DUOX1: variants seen among roughly 807,000 people sequenced by gnomAD.
The protein encoded by DUOX1 is NADPH thyroid oxidase 1.
A neutral mutation model predicts 181.8 loss-of-function variants in DUOX1; 134 were observed. The ratio of observed to expected loss-of-function variants is 0.74; its 90% confidence interval spans 0.64 to 0.85. DUOX1 has a LOEUF of 0.85. DUOX1 is among the 40% of genes least tolerant of loss of function. The pLI is 0.00. For synonymous variants in DUOX1, 798 were observed against 832.5 expected (o/e 0.96, Z 0.71); for missense variants, 1,814 against 2,064.4 (o/e 0.88, Z 2.35).
At chr15:45,159,249 C>A (rs550776288) in intron 28 of DUOX1, among the ~76,000 whole-genome samples, 11 of 152,200 alleles carry the variant, frequency 7.2e-5, no homozygotes, top group Non-Finnish European at 1.6e-4. Flanking sequence ...AGAGGCCATG[C>A]CACATGGCGG....
rs1425819677 is a variant in DUOX1, at chr15:45,160,693, T to G, written c.3703-144T>G. The G allele has an allele frequency of 3.4e-6, 3 of 891,998 alleles. No individual in the cohort carries two copies. The East Asian group carries it at 1.8e-4, about 53-fold the overall frequency. 55.3% of individuals were successfully genotyped at this position (891,998 alleles called of 1,614,324 possible). ...GGATGGAGTTGGGAATGGTGAGGTTTTGCAACCTAGAAGGAGCATGGTACG... is the reference window on the plus strand; with the variant it reads ...GGATGGAGTTGGGAATGGTGAGGTTGTGCAACCTAGAAGGAGCATGGTACG... On this transcript the variant is annotated intron_variant, in intron 28 of 33. Transcript: ENST00000389037.
Position 45,142,216 on chromosome 15 carries a change from T to C in DUOX1, c.1822+104T>C, listed in dbSNP as rs777560455. On this transcript the variant is annotated intron_variant, in intron 15 of 33. Coordinates refer to ENST00000389037, the MANE Select transcript of DUOX1 (RefSeq NM_175940.3). ...CAAACCACGCAAACCACACAGAGCA[T>C]GGTCCCTTTGGGTAGGAGAATGAAA... 352 of 1,311,044 alleles carry C rather than the reference T, an allele frequency of 2.7e-4. 1 individual carries two copies. The highest frequency in any genetic ancestry group is 3.3e-4 in the Non-Finnish European group (311 of 942,822). 81.2% of individuals were successfully genotyped at this position (1,311,044 alleles called of 1,614,324 possible).
At position 45,140,708 on chromosome 15, in the gene DUOX1, T is replaced by C. The variant is rs1896467012; in HGVS notation, c.1390-187T>C. On this transcript the variant is annotated intron_variant, in intron 12 of 33. Transcript: ENST00000389037. ...AGCTGAATGTGTGAGAGGGTTCCCA[T>C]AAATGGAGTTCACTTATGTAAAACA... The C allele has an allele frequency of 5.5e-6, 3 of 545,590 alleles. No individual in the cohort carries two copies. The African/African-American group carries it at 5.6e-5, about 10-fold the overall frequency. The allele number at this position is 545,590 out of a possible 1,614,324, so 33.8% of individuals were successfully genotyped here.
intron 18 of DUOX1, 119 bp downstream of exon 18, chr15:45,145,199 T>C (rs1896619162): frequency 3.0e-6 from 3 of 995,034 alleles, no homozygotes; most frequent in South Asian, 2.2e-5. Flanking sequence ...ATCAAGTCTA[T>C]TGCAATTTTG....
intron 10 of DUOX1, chr15:45,138,670 C>G (rs1015286244): frequency 1.1e-5 from 2 of 180,962 alleles, no homozygotes; most frequent in South Asian, 1.7e-4. Flanking sequence ...ACTCAGTGTC[C>G]CCCTCATCAG....
At position 45,165,072 on chromosome 15, in the gene DUOX1, G is replaced by C; in HGVS notation, c.*171G>C. 1 of 672,456 alleles carries C rather than the reference G, an allele frequency of 1.5e-6. No homozygotes were observed. The highest frequency in any genetic ancestry group is 2.5e-6 in the Non-Finnish European group (1 of 397,962). 41.7% of individuals were successfully genotyped at this position (672,456 alleles called of 1,614,324 possible). A position where few individuals can be genotyped will look rare whatever the true frequency, so the allele number is the denominator to read the frequency against. On this transcript the variant is annotated 3_prime_UTR_variant, in exon 34 of 34. Transcript: ENST00000389037. ...CATGTGTGGGCTCAGGGACCCCCAGGACCAGGATGTGTCTCAGCCTGGAGA... is the reference window on the plus strand; with the variant it reads ...CATGTGTGGGCTCAGGGACCCCCAGCACCAGGATGTGTCTCAGCCTGGAGA...
chr15:45,165,167 A>T lies in DUOX1; in HGVS notation c.*266A>T. 1 of 528,040 alleles carries T rather than the reference A, an allele frequency of 1.9e-6. No homozygotes were observed. Among genetic ancestry groups the T allele is most frequent in the Non-Finnish European group, 3.4e-6 (1 of 295,670 alleles). The allele number at this position is 528,040 out of a possible 1,614,324, so 32.7% of individuals were successfully genotyped here. On this transcript the variant is annotated 3_prime_UTR_variant, in exon 34 of 34. Transcript: ENST00000389037. ...GAGCTACTGATTTGGGGCAAAGTGA[A>T]ACCTCTGCTTCCAGACTTCAGAAAC...
In DUOX1 at chr15:45,140,972, C is replaced by A. The variant is rs1896473932; in HGVS notation, c.1467C>A (p.Ser489Arg). ...TGCTCCCTGGGGGACTCCTGGAGAG[C>A]CACCGGGACCCTGGACCTCTGTTCA... ...LELLPGGLLESHRDPGPLFST... is the reference protein window; with the variant it reads ...LELLPGGLLERHRDPGPLFST... The change falls in exon 13 of 34, where the codon AGC (serine) becomes AGA (arginine). Residue 489 changes from serine (S) to arginine (R), a missense_variant. Ser to Arg is a moderately radical substitution (Grantham distance 110). This residue lies in a region of DUOX1 where 1,064 missense variants were observed against 1,152.9 expected (regional missense o/e 0.92). Coordinates refer to ENST00000389037, the MANE Select transcript of DUOX1 (RefSeq NM_175940.3). 1 of 1,614,180 alleles carries A rather than the reference C, an allele frequency of 6.2e-7. No individual in the cohort carries two copies. The highest frequency in any genetic ancestry group is 1.7e-5 in the Admixed American group (1 of 60,026).
rs375298947 is a variant in DUOX1 at position 45,141,958 on chromosome 15, T to C, written c.1685-17T>C. Reference sequence around the variant, plus strand: ...GTGGCCCAGCACCCAGGACGCTGGCTTCCTCTGCCTTCCCAGGAGACCCCT... The same window carrying C: ...GTGGCCCAGCACCCAGGACGCTGGCCTCCTCTGCCTTCCCAGGAGACCCCT... On this transcript the variant is annotated splice_polypyrimidine_tract_variant and intron_variant, in intron 14 of 33. Transcript: ENST00000389037. 3.7e-5 allele frequency: 59 copies of C among 1,603,166 alleles called. No homozygotes were observed. Among genetic ancestry groups the C allele is most frequent in the Non-Finnish European group, 4.8e-5 (56 of 1,174,804 alleles).
intron 17 of DUOX1, 138 bp downstream of exon 17, chr15:45,144,373 G>A: frequency 1.1e-6 from 1 of 899,406 alleles, no homozygotes; most frequent in South Asian, 1.5e-5. Flanking sequence ...TTCCCAGGTG[G>A]AGTACCTGAT....
chr15:45,163,456 C>A (rs1897154405), intron 31 of DUOX1, 76 bp from the exon 32 acceptor site: 6 of 1,587,190 alleles, frequency 3.8e-6, no homozygotes, highest in Non-Finnish European at 5.1e-6. Context: ...CAGAAGAGTT[C>A]TATCAGTATG....
At position 45,141,195 on chromosome 15, in the gene DUOX1, C is replaced by T. The variant is rs1464465996; in HGVS notation, c.1566-97C>T. ...CAGCCCACCACCCACTTCCCAACAC[C>T]TCTGGGTCTCTTTTCTCACCTGGGT... On this transcript the variant is annotated intron_variant, in intron 13 of 33. Coordinates refer to ENST00000389037, the MANE Select transcript of DUOX1 (RefSeq NM_175940.3). 11 of 1,561,316 alleles carry T rather than the reference C, an allele frequency of 7.0e-6. No individual in the cohort carries two copies. The African/African-American group carries it at 1.5e-4, about 21-fold the overall frequency.
At chr15:45,151,036 C>A in intron 22 of DUOX1, 87 bp from the exon 23 acceptor site, 1 of 1,561,982 alleles carries the variant, frequency 6.4e-7, no homozygotes, top group Non-Finnish European at 8.7e-7. Flanking sequence ...CCTTCCTCAG[C>A]AGAATGGGTT....
At chr15:45,136,750 A>G in intron 9 of DUOX1, 125 bp downstream of exon 9, 1 of 814,702 alleles carries the variant, frequency 1.2e-6, no homozygotes. Flanking sequence ...AAAGACCGAT[A>G]GAGAGGGGAA....
chr15:45,155,709 G>A lies in DUOX1; in HGVS notation c.3575-93G>A, dbSNP rs915913125. 16 of 1,568,854 alleles carry A rather than the reference G, an allele frequency of 1.0e-5. No individual in the cohort carries two copies. In the African/African-American group the frequency reaches 1.6e-4, roughly 16 times the overall value. ...GCTGGGACATTCTTACTCCAACTTG[G>A]GCAGTGGAGTGGAGAGGGGACCTTG... On this transcript the variant is annotated intron_variant, in intron 27 of 33. Coordinates refer to ENST00000389037, the MANE Select transcript of DUOX1 (RefSeq NM_175940.3).
Position 45,136,343 on chromosome 15 carries a change from C to T in DUOX1, c.865-7C>T, listed in dbSNP as rs756191622. On this transcript the variant is annotated splice_region_variant and splice_polypyrimidine_tract_variant and intron_variant, in intron 7 of 33. Transcript: ENST00000389037. ...CGTGCCTCCCCTCGCCCCTCTCTGC[C>T]CCTCAGAACATCGCTGTGTATGAGT... The T allele has an allele frequency of 1.2e-6, 2 of 1,613,380 alleles. No individual in the cohort carries two copies. The highest frequency in any genetic ancestry group is 1.3e-5 in the African/African-American group (1 of 74,884).
At chr15:45,138,957 C>A in intron 10 of DUOX1, 109 bp from the exon 11 acceptor site, 1 of 991,778 alleles carries the variant, frequency 1.0e-6, no homozygotes, top group Non-Finnish European at 1.5e-6. Flanking sequence ...GAGCAAACAG[C>A]AGGACTGGGT....
intron 16 of DUOX1, 92 bp downstream of exon 16, chr15:45,143,395 C>A: frequency 9.9e-7 from 1 of 1,010,376 alleles, no homozygotes; most frequent in South Asian, 1.5e-5. Flanking sequence ...AGGAAAAGGC[C>A]TCCCTTTTCT....
rs137906500 is a variant in DUOX1 at position 45,163,663 on chromosome 15, G to T, written c.4380G>T (p.Lys1460Asn). ...VHIYITQLAEKFDLRTTMLYI... is the reference protein window; with the variant it reads ...VHIYITQLAENFDLRTTMLYI... ...TCTACATCACCCAGCTGGCTGAGAA[G>T]TTCGACCTCAGGACCACTATGCTGG... Residue 1460 changes from lysine (K) to asparagine (N), a missense_variant, in exon 32 of 34, where the codon AAG (lysine) becomes AAT (asparagine). Lys to Asn is a moderately conservative substitution (Grantham distance 94). Coordinates refer to ENST00000389037, the MANE Select transcript of DUOX1 (RefSeq NM_175940.3). 37 of 1,614,046 alleles carry T rather than the reference G, an allele frequency of 2.3e-5. No individual in the cohort carries two copies. In the African/African-American group the frequency reaches 4.1e-4, roughly 18 times the overall value.
Sources: gnomAD v4.1 joint callset for allele counts (sites outside exome capture counted in the v4.1 genomes callset) on GRCh38, gnomAD v4.1.1 for gene constraint, gnomAD v4.1.1 regional missense constraint, MANE v1.5 for transcripts, NCBI Gene and HGNC (gene_info 2026-07-23, HGNC 2026-07-21) for gene names.